PTPRT: variants seen among roughly 807,000 people sequenced by gnomAD.
The protein encoded by PTPRT is protein tyrosine phosphatase receptor type T.
A neutral mutation model predicts 176.8 loss-of-function variants in PTPRT; 56 were observed. The ratio of observed to expected loss-of-function variants is 0.32; its 90% CI spans 0.26 to 0.40. PTPRT has a LOEUF of 0.40. PTPRT is among the 10% of genes least tolerant of loss of function. The pLI is 1.00. For missense variants in PTPRT, 1,540 were observed against 1,908.2 expected (o/e 0.81, Z 3.60); for synonymous variants, 783 against 739.0 (o/e 1.06, Z -0.96).
chr20:42,323,778 A>T (rs1317404201), intron 11 of PTPRT, among the ~76,000 whole-genome samples: 1 of 152,080 alleles, frequency 6.6e-6, no homozygotes, highest in Admixed American at 6.5e-5. Context: ...AAAATAAAAT[A>T]AAAATAAAAA....
intron 2 of PTPRT, among the ~76,000 whole-genome samples, chr20:42,818,789 G>A (rs1228416491): frequency 1.3e-5 from 2 of 152,166 alleles, no homozygotes. Context: ...CCACGCGGAA[G>A]AAAGGATATC....
intron 1 of PTPRT, among the ~76,000 whole-genome samples, chr20:42,941,929 A>G (rs140136987): frequency 7.7e-4 from 117 of 152,316 alleles, no homozygotes; most frequent in African/African-American, 2.1e-3. Flanking sequence ...AGTGTCATAA[A>G]AGAGGCCACA....
intron 4 of PTPRT, among the ~76,000 whole-genome samples, chr20:42,776,799 A>C (rs2077143465): frequency 6.7e-6 from 1 of 148,468 alleles, no homozygotes; most frequent in Non-Finnish European, 1.5e-5. Flanking sequence ...TGATTATATA[A>C]TTATTTATAT....
At chr20:42,674,475 T>C (rs991668126) in intron 7 of PTPRT, among the ~76,000 whole-genome samples, 1 of 152,212 alleles carries the variant, frequency 6.6e-6, no homozygotes, top group Non-Finnish European at 1.5e-5. Context: ...CATCAGCAAA[T>C]AAGTCCACGG....
intron 1 of PTPRT, among the ~76,000 whole-genome samples, chr20:43,038,215 C>G (rs980870398): frequency 6.6e-6 from 1 of 150,670 alleles, no homozygotes; most frequent in Non-Finnish European, 1.5e-5. Flanking sequence ...TAATAAAATA[C>G]GAATTACAAA....
At chr20:42,897,523 G>A (rs79639338) in intron 1 of PTPRT, among the ~76,000 whole-genome samples, 2,862 of 152,216 alleles carry the variant, frequency 0.019, 99 homozygotes, top group African/African-American at 0.065. Flanking sequence ...CAGAAACGGC[G>A]GTGCCCTAGA....
chr20:42,462,589 T>C (rs978155435), intron 8 of PTPRT, among the ~76,000 whole-genome samples: 3 of 152,158 alleles, frequency 2.0e-5, no homozygotes, highest in African/African-American at 7.2e-5. Flanking sequence ...GCTACAATAC[T>C]AGAGGGAATA....
chr20:42,876,017 CAGAT>C (rs1159875348), intron 2 of PTPRT, among the ~76,000 whole-genome samples: 2 of 152,178 alleles, frequency 1.3e-5, no homozygotes, highest in African/African-American at 4.8e-5. Context: ...TTACCACATA[CAGAT>C]ACTCTCTGTC....
rs1005929825 is a variant in PTPRT at position 42,080,754 on chromosome 20, GTCT to G, written c.*122_*124del. ...CCCCCCGTGGAACACAGGGCCACCAGTCTTCTCCTTGGAGTCAGGCAGGGTGCC... is the reference window on the plus strand; with the variant it reads ...CCCCCCGTGGAACACAGGGCCACCAGTCTCCTTGGAGTCAGGCAGGGTGCC... On this transcript the variant is annotated 3_prime_UTR_variant, in exon 31 of 31. Transcript: ENST00000373187. 3.0e-5 allele frequency: 28 copies of G among 933,698 alleles called. No individual in the cohort carries two copies. In the African/African-American group the frequency reaches 4.1e-4, roughly 14 times the overall value. The allele number at this position is 933,698 out of a possible 1,614,324, so 57.8% of individuals were successfully genotyped here.
rs1988649069 is a variant in PTPRT, at chr20:42,141,958, C to T, written c.2727G>A (p.Glu909=). ...GQTASWDTAK[E]DENRNKNRYG... ...ATCGATTCTTATTGCGGTTTTCATCCTCCTTGGCTGTGTCCCACGAAGCTG... is the reference window on the plus strand; with the variant it reads ...ATCGATTCTTATTGCGGTTTTCATCTTCCTTGGCTGTGTCCCACGAAGCTG... The change falls in exon 18 of 31, where the codon GAG becomes GAA. Residue 909 remains glutamate, a synonymous_variant. Coordinates refer to ENST00000373187, the MANE Select transcript of PTPRT (RefSeq NM_007050.6). 6.2e-7 allele frequency: 1 copy of T among 1,614,030 alleles called. No individual in the cohort carries two copies. The highest frequency in any genetic ancestry group is 1.7e-5 in the Admixed American group (1 of 60,010).
chr20:42,525,351 G>T (rs1443800125), intron 7 of PTPRT, among the ~76,000 whole-genome samples: 1 of 152,096 alleles, frequency 6.6e-6, no homozygotes, highest in African/African-American at 2.4e-5. Flanking sequence ...GAGGGTATAT[G>T]ATTTCAAGTA....
chr20:43,163,990 TA>T (rs2014785090), intron 1 of PTPRT, among the ~76,000 whole-genome samples: 1 of 152,236 alleles, frequency 6.6e-6, no homozygotes, highest in Non-Finnish European at 1.5e-5. Context: ...GGACGACTTC[TA>T]AAAACCATGA....
chr20:42,279,152 T>C (rs1398340524), intron 13 of PTPRT, among the ~76,000 whole-genome samples: 1 of 152,154 alleles, frequency 6.6e-6, no homozygotes, highest in African/African-American at 2.4e-5. Context: ...TTTCTCTCTA[T>C]GGCTCTGATC....
At chr20:42,960,109 T>C (rs1007456469) in intron 1 of PTPRT, among the ~76,000 whole-genome samples, 1 of 152,170 alleles carries the variant, frequency 6.6e-6, no homozygotes, top group African/African-American at 2.4e-5. Flanking sequence ...ATTTACTAGC[T>C]ACTAGGAACT....
intron 1 of PTPRT, among the ~76,000 whole-genome samples, chr20:43,169,840 G>T (rs761235184): frequency 6.6e-6 from 1 of 152,132 alleles, no homozygotes; most frequent in Non-Finnish European, 1.5e-5. Context: ...TGCTAGAATT[G>T]TAGGTAAAGT....
chr20:42,859,911 CA>C (rs953891450), intron 2 of PTPRT, among the ~76,000 whole-genome samples: 27 of 152,014 alleles, frequency 1.8e-4, no homozygotes, highest in African/African-American at 6.0e-4. Context: ...TGGATATTTT[CA>C]TGATGTTTAG....
intron 7 of PTPRT, among the ~76,000 whole-genome samples, chr20:42,496,176 G>A (rs149684480): frequency 6.6e-6 from 1 of 152,260 alleles, no homozygotes; most frequent in Non-Finnish European, 1.5e-5. Context: ...AGGAAGAGGA[G>A]AAAGAAGAGG....
intron 9 of PTPRT, among the ~76,000 whole-genome samples, chr20:42,353,991 C>T (rs141106734): frequency 0.01 from 1,535 of 152,000 alleles, 10 homozygotes; most frequent in Middle Eastern, 0.034. Flanking sequence ...GAGTTCAAGG[C>T]TATAGTGAGC....
intron 1 of PTPRT, among the ~76,000 whole-genome samples, chr20:43,034,919 C>G (rs1986312602): frequency 6.6e-6 from 1 of 151,814 alleles, no homozygotes; most frequent in African/African-American, 2.4e-5. Context: ...ACCCCACCCC[C>G]ACCTTTTCCT....
Sources: allele counts gnomAD v4.1 joint callset (sites outside exome capture counted in the v4.1 genomes callset), GRCh38; gene constraint gnomAD v4.1.1; transcripts MANE v1.5; gene names NCBI Gene and HGNC (gene_info 2026-07-23, HGNC 2026-07-21).